The following RIC1 variants were observed in gnomAD, a reference collection of about 807,000 sequenced individuals.
RIC1 encodes RIC1 partner of RAB6A GEF complex.
In RIC1, 88 loss-of-function variants were observed where a neutral mutation model predicts 169.0. The observed-to-expected ratio is 0.52, with a 90% CI of 0.44 to 0.62. RIC1 has a LOEUF of 0.62. Among genes scored for constraint, RIC1 ranks in the 20% least tolerant of loss-of-function variants. The pLI, the probability that RIC1 is intolerant of heterozygous loss-of-function variation, is 0.00. For synonymous variants in RIC1, 790 were observed against 601.5 expected (o/e 1.31, Z -4.59); for missense variants, 1,877 against 1,725.5 (o/e 1.09, Z -1.56).
chr9:5,663,651 T>C (rs1385614225), intron 2 of RIC1, among the ~76,000 whole-genome samples: 3 of 152,222 alleles, frequency 2.0e-5, no homozygotes, highest in Non-Finnish European at 4.4e-5. Flanking sequence ...CTTTCTGTTT[T>C]CCATTTGCTT....
chr9:5,777,544 T>C (rs922278255), downstream of RIC1, among the ~76,000 whole-genome samples: 15 of 152,126 alleles, frequency 9.9e-5, no homozygotes, highest in Admixed American at 5.9e-4. Context: ...TGTTTTTAAG[T>C]CCAACTTATT....
chr9:5,739,905 T>C (rs1012271209), intron 8 of RIC1, among the ~76,000 whole-genome samples: 17 of 152,224 alleles, frequency 1.1e-4, no homozygotes, highest in Non-Finnish European at 2.4e-4. Flanking sequence ...AGACACCTGG[T>C]GAGGCTGTGC....
intron 6 of RIC1, among the ~76,000 whole-genome samples, chr9:5,729,367 C>G (rs959862964): frequency 2.0e-5 from 3 of 152,060 alleles, no homozygotes; most frequent in African/African-American, 7.2e-5. Flanking sequence ...AGGTTTTGAA[C>G]CACTTCTACT....
chr9:5,648,095 G>A (rs1210217979), intron 1 of RIC1, among the ~76,000 whole-genome samples: 1 of 151,924 alleles, frequency 6.6e-6, no homozygotes, highest in East Asian at 1.9e-4. Flanking sequence ...CAATTCTTCT[G>A]CCTCAGCCTC....
Position 5,629,262 on chromosome 9 carries a change from C to T in RIC1, c.-48C>T. 1 of 1,422,310 alleles carries T rather than the reference C, an allele frequency of 7.0e-7. No individual in the cohort carries two copies. The highest frequency in any genetic ancestry group is 9.2e-7 in the Non-Finnish European group (1 of 1,086,026). 88.1% of individuals were successfully genotyped at this position (1,422,310 alleles called of 1,614,324 possible). A position where few individuals can be genotyped will look rare whatever the true frequency, so the allele number is the denominator to read the frequency against. On this transcript the variant is annotated 5_prime_UTR_variant, in exon 1 of 26. Transcript: ENST00000414202. ...GAGGTGGGCGACCAGCCCGGGGCCG[C>T]TGAGTGTGACGGACGCAACTGGGGG...
intron 3 of RIC1, among the ~76,000 whole-genome samples, chr9:5,711,458 CTCAG>C (rs1185408434): frequency 6.6e-6 from 1 of 152,058 alleles, no homozygotes; most frequent in Non-Finnish European, 1.5e-5. Flanking sequence ...TCATCAAATA[CTCAG>C]TCTGTGTTCA....
intron 1 of RIC1, among the ~76,000 whole-genome samples, chr9:5,650,401 C>G (rs777437452): frequency 9.2e-5 from 14 of 151,906 alleles, no homozygotes; most frequent in African/African-American, 3.4e-4. Flanking sequence ...GGTGCCAGGC[C>G]AGGTGGGCCT....
At chr9:5,699,743 C>T (rs1822108957) in intron 3 of RIC1, among the ~76,000 whole-genome samples, 1 of 152,092 alleles carries the variant, frequency 6.6e-6, no homozygotes, top group African/African-American at 2.4e-5. Flanking sequence ...ATTTACAACA[C>T]TTTCTGATGT....
Position 5,746,099 on chromosome 9 carries a change from G to T in RIC1, c.1248+16G>T. ...CCCTTGTATGGTAAGTATATTTAAA[G>T]CTCTGATTTTTTAGTGTCTTTTGTG... On this transcript the variant is annotated intron_variant, in intron 11 of 25. Transcript: ENST00000414202. The T allele has an allele frequency of 6.3e-7, 1 of 1,585,046 alleles. No homozygotes were observed. Among genetic ancestry groups the T allele is most frequent in the African/African-American group, 1.3e-5 (1 of 74,698 alleles).
intron 21 of RIC1, among the ~76,000 whole-genome samples, chr9:5,767,978 G>A (rs1050561679): frequency 3.3e-5 from 5 of 152,162 alleles, no homozygotes; most frequent in Admixed American, 2.0e-4. Context: ...AACTCTATGA[G>A]GGTTATCCAC....
At chr9:5,680,839 T>TTTTG (rs1253957476) in intron 2 of RIC1, among the ~76,000 whole-genome samples, 4 of 131,504 alleles carry the variant, frequency 3.0e-5, no homozygotes, top group East Asian at 2.1e-4. Context: ...TTTTTTTTTT[T>TTTTG]TTTTTGAGAC....
chr9:5,632,195 C>T (rs1002344181), intron 1 of RIC1, among the ~76,000 whole-genome samples: 1 of 152,134 alleles, frequency 6.6e-6, no homozygotes, highest in Non-Finnish European at 1.5e-5. Flanking sequence ...ATCAGGCTCT[C>T]TTAGGAGTGA....
intron 1 of RIC1, 30 bp from the exon 2 acceptor site, chr9:5,656,553 T>G: frequency 8.8e-7 from 1 of 1,139,774 alleles, no homozygotes; most frequent in Non-Finnish European, 1.3e-6. Flanking sequence ...TGATAAAAAA[T>G]ACAACTTTTT....
At chr9:5,683,565 T>G (rs1034662049) in intron 2 of RIC1, among the ~76,000 whole-genome samples, 2 of 151,998 alleles carry the variant, frequency 1.3e-5, no homozygotes, top group African/African-American at 4.8e-5. Flanking sequence ...TACTGGGGGG[T>G]GCCCCTCAGT....
Position 5,770,261 on chromosome 9 carries a change from C to A in RIC1, c.3599C>A (p.Ser1200Ter). 6.2e-7 allele frequency: 1 copy of A among 1,612,784 alleles called. No homozygotes were observed. Among genetic ancestry groups the A allele is most frequent in the Non-Finnish European group, 8.5e-7 (1 of 1,179,366 alleles). ...CCACAAATGCAAGATGCCTTCTTGTCACCTTTATCTAATAAAGGTAAATGT... is the reference window on the plus strand; with the variant it reads ...CCACAAATGCAAGATGCCTTCTTGTAACCTTTATCTAATAAAGGTAAATGT... Reference protein sequence around the residue: ...HGPQMQDAFLSPLSNKGDECS... With the variant: ...HGPQMQDAFL The change falls in exon 23 of 26, where the codon TCA becomes TAA. Residue 1200 changes from serine (S) to a stop codon, truncating the protein, a stop_gained. Transcript: ENST00000414202. LOFTEE classifies it high-confidence loss of function.
At chr9:5,737,599 C>CAT in intron 7 of RIC1, among the ~76,000 whole-genome samples, 1 of 82,538 alleles carries the variant, frequency 1.2e-5, no homozygotes, top group Non-Finnish European at 2.3e-5. Flanking sequence ...TACACACACA[C>CAT]ATGTTTTATA....
At chr9:5,687,878 C>T (rs998569562) in intron 2 of RIC1, among the ~76,000 whole-genome samples, 27 of 152,108 alleles carry the variant, frequency 1.8e-4, no homozygotes, top group Non-Finnish European at 3.7e-4. Context: ...TGAAGTTGTT[C>T]CTCAATTCAC....
intron 1 of RIC1, among the ~76,000 whole-genome samples, chr9:5,646,974 C>T (rs1371061557): frequency 1.3e-5 from 2 of 151,828 alleles, no homozygotes; most frequent in African/African-American, 4.9e-5. Flanking sequence ...CACTTTGAGA[C>T]AATTTTTGTA....
At chr9:5,667,327 A>G (rs1819835369) in intron 2 of RIC1, among the ~76,000 whole-genome samples, 1 of 152,164 alleles carries the variant, frequency 6.6e-6, no homozygotes, top group Admixed American at 6.5e-5. Flanking sequence ...GTATCAGGAA[A>G]AAAACAATTT....
Sources: allele counts gnomAD v4.1 joint callset (sites outside exome capture counted in the v4.1 genomes callset), GRCh38; gene constraint gnomAD v4.1.1; transcripts MANE v1.5; gene names NCBI Gene and HGNC (gene_info 2026-07-23, HGNC 2026-07-21).